Variants in CNTN4 observed in about 807,000 individuals in gnomAD.
CNTN4 encodes contactin-4.
In CNTN4, 77 loss-of-function variants were observed where a neutral mutation model predicts 122.5. The ratio of observed to expected loss-of-function variants is 0.63; its 90% CI spans 0.52 to 0.76. CNTN4 has a LOEUF of 0.76. CNTN4 is among the 30% of genes least tolerant of loss of function. The pLI, the probability that CNTN4 is intolerant of heterozygous loss-of-function variation, is 0.00. For missense variants in CNTN4, 1,256 were observed against 1,259.1 expected (o/e 1.00, Z 0.04); for synonymous variants, 512 against 447.0 (o/e 1.15, Z -1.83).
At chr3:2,155,481 AAC>A (rs150327626) in intron 2 of CNTN4, among the ~76,000 whole-genome samples, 10,865 of 152,308 alleles carry the variant, frequency 0.071, 431 homozygotes, top group Non-Finnish European at 0.084. Context: ...TGTATTACAG[AAC>A]ACAGCTCTTT....
chr3:2,421,463 G>T (rs1307793730), intron 3 of CNTN4, among the ~76,000 whole-genome samples: 1 of 152,090 alleles, frequency 6.6e-6, no homozygotes, highest in Non-Finnish European at 1.5e-5. Flanking sequence ...TGTTGGCCAG[G>T]CTGATCTCAA....
intron 2 of CNTN4, among the ~76,000 whole-genome samples, chr3:2,108,365 A>C (rs568548257): frequency 7.9e-5 from 12 of 152,186 alleles, no homozygotes; most frequent in African/African-American, 2.9e-4. Flanking sequence ...TTTCCATGCC[A>C]CTGATATAAT....
intron 2 of CNTN4, among the ~76,000 whole-genome samples, chr3:2,290,470 A>AG (rs1417469660): frequency 6.6e-6 from 1 of 152,212 alleles, no homozygotes; most frequent in Non-Finnish European, 1.5e-5. Flanking sequence ...TTGCAGTTAC[A>AG]GGGGAAAATC....
Position 2,169,592 on chromosome 3 carries a change from T to C in CNTN4, c.-145+68953T>C, listed in dbSNP as rs567609848. Reference sequence around the variant, plus strand: ...GGCTGATTTTTTTGTAGAGACGGGGTTTCACCCTGCTAGCCAGGATGGTCT... The same window carrying C: ...GGCTGATTTTTTTGTAGAGACGGGGCTTCACCCTGCTAGCCAGGATGGTCT... On this transcript the variant is annotated intron_variant, in intron 2 of 24. Coordinates refer to ENST00000418658, the MANE Select transcript of CNTN4 (RefSeq NM_175607.3). 7.9e-5 allele frequency among the ~76,000 whole-genome samples: 12 copies of C among 151,010 alleles called. No individual in the cohort carries two copies. The South Asian group carries it at 2.5e-3, about 32-fold the overall frequency.
At chr3:2,957,311 C>G (rs1447833008) in intron 13 of CNTN4, among the ~76,000 whole-genome samples, 2 of 151,986 alleles carry the variant, frequency 1.3e-5, no homozygotes, top group African/African-American at 4.8e-5. Context: ...TGTCTCTTGT[C>G]TTTTTCATAG....
At chr3:2,848,545 AG>A (rs1321002628) in intron 7 of CNTN4, among the ~76,000 whole-genome samples, 1 of 152,168 alleles carries the variant, frequency 6.6e-6, no homozygotes, top group African/African-American at 2.4e-5. Context: ...TTTGGTTGCA[AG>A]TGCCAAAATC....
chr3:3,053,821 G>T lies in CNTN4; in HGVS notation c.2826G>T (p.Trp942Cys). 6.2e-6 allele frequency: 10 copies of T among 1,614,222 alleles called. No homozygotes were observed. Among genetic ancestry groups the T allele is most frequent in the Non-Finnish European group, 8.5e-6 (10 of 1,180,024 alleles). Residue 942 changes from tryptophan to cysteine, a missense_variant, in exon 24 of 25, where the codon TGG becomes TGT. Transcript: ENST00000418658. ...TGTATTGGCAGGTCTTGTACAGATG[G>T]AACAGACAAAGCAGCACATCTGTCA... ...EVKGYKVLYR[W>C]NRQSSTSVIE...
chr3:2,657,897 T>C (rs571578268), intron 4 of CNTN4, among the ~76,000 whole-genome samples: 1 of 151,664 alleles, frequency 6.6e-6, no homozygotes, highest in East Asian at 1.9e-4. Context: ...TTCCATATCA[T>C]TGACAGATAA....
At chr3:2,664,609 G>C (rs886998960) in intron 4 of CNTN4, among the ~76,000 whole-genome samples, 1 of 152,028 alleles carries the variant, frequency 6.6e-6, no homozygotes, top group African/African-American at 2.4e-5. Context: ...GCCATGCCTG[G>C]GACCCAAAGT....
intron 13 of CNTN4, among the ~76,000 whole-genome samples, chr3:2,970,271 ATT>A: frequency 6.6e-6 from 1 of 151,626 alleles, no homozygotes; most frequent in Admixed American, 6.6e-5. Context: ...ATTCTTTCAT[ATT>A]TTTTGTAGAA....
intron 6 of CNTN4, among the ~76,000 whole-genome samples, chr3:2,762,678 T>G (rs528259288): frequency 6.6e-6 from 1 of 152,284 alleles, no homozygotes; most frequent in Non-Finnish European, 1.5e-5. Flanking sequence ...TTATATTCCT[T>G]TGGGTATATA....
intron 2 of CNTN4, among the ~76,000 whole-genome samples, chr3:2,105,597 T>A (rs1223430598): frequency 1.3e-5 from 2 of 152,040 alleles, no homozygotes; most frequent in Non-Finnish European, 2.9e-5. Context: ...GAGACCAGCA[T>A]GGGGGAAACT....
At chr3:2,280,161 T>C (rs528360421) in intron 2 of CNTN4, among the ~76,000 whole-genome samples, 82 of 152,264 alleles carry the variant, frequency 5.4e-4, no homozygotes, top group Non-Finnish European at 9.4e-4. Context: ...GGTTTTCTCA[T>C]GTTGCCCAGG....
chr3:2,129,961 T>C (rs902974086), intron 2 of CNTN4, among the ~76,000 whole-genome samples: 1 of 151,994 alleles, frequency 6.6e-6, no homozygotes, highest in African/African-American at 2.4e-5. Context: ...ATTTTACATA[T>C]TATCAGTTGC....
At chr3:2,745,412 A>G (rs2089698560) in intron 5 of CNTN4, 110 bp from the exon 6 acceptor site, 2 of 952,084 alleles carry the variant, frequency 2.1e-6, no homozygotes, top group Non-Finnish European at 3.3e-6. Flanking sequence ...GCTTTTTACA[A>G]AAGTCACAAA....
At chr3:2,390,348 A>G (rs2046399011) in intron 3 of CNTN4, among the ~76,000 whole-genome samples, 1 of 151,914 alleles carries the variant, frequency 6.6e-6, no homozygotes, top group South Asian at 2.1e-4. Flanking sequence ...TATTATTGCA[A>G]CTTTCTGTAA....
chr3:2,271,548 C>A (rs1195138748), intron 2 of CNTN4, among the ~76,000 whole-genome samples: 7 of 152,090 alleles, frequency 4.6e-5, no homozygotes, highest in Non-Finnish European at 1.0e-4. Context: ...GAAATGGATT[C>A]ACATTTTTAA....
At chr3:2,510,407 C>T (rs2076851152) in intron 3 of CNTN4, among the ~76,000 whole-genome samples, 1 of 147,172 alleles carries the variant, frequency 6.8e-6, no homozygotes, top group Admixed American at 6.9e-5. Flanking sequence ...TTTGTTTTTG[C>T]AGCAAGATGA....
At chr3:2,124,441 C>G (rs1039715046) in intron 2 of CNTN4, among the ~76,000 whole-genome samples, 1 of 146,272 alleles carries the variant, frequency 6.8e-6, no homozygotes, top group Non-Finnish European at 1.5e-5. Context: ...AAAACACACA[C>G]ACACACACAC....
Sources: allele counts gnomAD v4.1 joint callset (sites outside exome capture counted in the v4.1 genomes callset), GRCh38; gene constraint gnomAD v4.1.1; transcripts MANE v1.5; gene names NCBI Gene and HGNC (gene_info 2026-07-23, HGNC 2026-07-21).